Variants in PAN3 observed in about 807,000 individuals in gnomAD.
PAN3 encodes PAN2-PAN3 deadenylation complex subunit PAN3.
PAN3 carries 19 observed loss-of-function variants against 96.2 expected under a neutral mutation model. The ratio of observed to expected loss-of-function variants is 0.20; its 90% CI spans 0.14 to 0.29. The LOEUF (loss-of-function observed/expected upper bound fraction) is 0.29, where lower values mean the gene tolerates loss of function less well. Ranked by LOEUF, PAN3 falls within the 10% of genes least tolerant of loss-of-function variation. PAN3 has a pLI of 1.00. For synonymous variants in PAN3, 433 were observed against 406.6 expected (o/e 1.06, Z -0.78); for missense variants, 882 against 1,108.1 (o/e 0.80, Z 2.90).
intron 6 of PAN3, among the ~76,000 whole-genome samples, chr13:28,234,401 T>A (rs191670235): frequency 3.3e-5 from 5 of 152,270 alleles, no homozygotes. Flanking sequence ...AAAATTAAAA[T>A]TTTTCATGTT....
Position 28,266,804 on chromosome 13 carries a change from G to A in PAN3, c.1501G>A (p.Gly501Arg). Reference sequence around the variant, plus strand: ...CCGGATACAGAAATCAAGTAATTTTGGATATATTACATCTTGCTACAAAGC... The same window carrying A: ...CCGGATACAGAAATCAAGTAATTTTAGATATATTACATCTTGCTACAAAGC... ...PNRIQKSSNFGYITSCYKAVN... is the reference protein window; with the variant it reads ...PNRIQKSSNFRYITSCYKAVN... Residue 501 changes from glycine (G) to arginine (R), a missense_variant, in exon 10 of 19, where the codon GGA becomes AGA. Gly to Arg is a moderately radical substitution (Grantham distance 125, BLOSUM62 -2). Around this residue, in one of 3 missense-constraint regions of PAN3, gnomAD observed 364 missense variants for 513.6 expected, o/e 0.71. Coordinates refer to ENST00000380958, the MANE Select transcript of PAN3 (RefSeq NM_175854.8). 6.2e-7 allele frequency: 1 copy of A among 1,611,096 alleles called. No individual in the cohort carries two copies. The highest frequency in any genetic ancestry group is 8.5e-7 in the Non-Finnish European group (1 of 1,178,534).
intron 6 of PAN3, among the ~76,000 whole-genome samples, chr13:28,229,172 CAA>C (rs1185765350): frequency 2.6e-5 from 4 of 152,152 alleles, no homozygotes; most frequent in Non-Finnish European, 2.9e-5. Context: ...CCTTTAGAAG[CAA>C]AAGTTTTTAA....
intron 4 of PAN3, among the ~76,000 whole-genome samples, chr13:28,185,747 A>G (rs900288662): frequency 1.7e-4 from 26 of 152,262 alleles, no homozygotes; most frequent in South Asian, 1.0e-3. Flanking sequence ...ATAGCTTTGA[A>G]GATTTTGAGT....
In PAN3 at chr13:28,150,439, C is replaced by T. The variant is rs898950080; in HGVS notation, c.430+11352C>T. On this transcript the variant is annotated intron_variant, in intron 1 of 18. Transcript: ENST00000380958. Reference sequence around the variant, plus strand: ...AGGAGATCGAGACCATCCTGGCTAACATGGTGAAACCCCGTCTCTACTAAA... The same window carrying T: ...AGGAGATCGAGACCATCCTGGCTAATATGGTGAAACCCCGTCTCTACTAAA... 3.3e-5 allele frequency among the ~76,000 whole-genome samples: 5 copies of T among 152,162 alleles called. No individual in the cohort carries two copies. In the East Asian group the frequency reaches 9.7e-4, roughly 29 times the overall value.
chr13:28,158,557 A>C (rs1872510237), intron 1 of PAN3, among the ~76,000 whole-genome samples: 1 of 152,214 alleles, frequency 6.6e-6, no homozygotes, highest in Non-Finnish European at 1.5e-5. Flanking sequence ...AAGAAGACAT[A>C]TACTCAGCCA....
Position 28,220,792 on chromosome 13 carries a change from C to G in PAN3, c.1000+414C>G, listed in dbSNP as rs922812876. 2.0e-5 allele frequency among the ~76,000 whole-genome samples: 3 copies of G among 152,218 alleles called. No homozygotes were observed. The East Asian group carries it at 5.8e-4, about 29-fold the overall frequency. ...ATTTCTAAAAAATAATTTAATCATT[C>G]TACATCTTTAGATGGTATTCCCTTT... On this transcript the variant is annotated intron_variant, in intron 6 of 18. Transcript: ENST00000380958.
At chr13:28,240,794 G>A (rs1883585122) in intron 6 of PAN3, among the ~76,000 whole-genome samples, 1 of 152,198 alleles carries the variant, frequency 6.6e-6, no homozygotes, top group South Asian at 2.1e-4. Context: ...GAGGAAAGAA[G>A]TAAAGGCTAG....
In PAN3 at chr13:28,256,463, A is replaced by G. The variant is rs1885148344; in HGVS notation, c.1172A>G (p.Gln391Arg). The G allele has an allele frequency of 6.2e-7, 1 of 1,613,914 alleles. No individual in the cohort carries two copies. Among genetic ancestry groups the G allele is most frequent in the Non-Finnish European group, 8.5e-7 (1 of 1,179,792 alleles). Reference protein sequence around the residue: ...NPVSQTPSSGQVIQKETVGGT... With the variant: ...NPVSQTPSSGRVIQKETVGGT... ...GTTTCTCAGACTCCGTCTTCTGGTC[A>G]GGTGATCCAAAAGGAAACTGTTGGT... Residue 391 changes from glutamine (Q) to arginine (R), a missense_variant, in exon 7 of 19, where the codon CAG (glutamine) becomes CGG (arginine). Coordinates refer to ENST00000380958, the MANE Select transcript of PAN3 (RefSeq NM_175854.8).
At chr13:28,181,797 A>G (rs1036422412) in intron 4 of PAN3, among the ~76,000 whole-genome samples, 1 of 152,152 alleles carries the variant, frequency 6.6e-6, no homozygotes, top group African/African-American at 2.4e-5. Context: ...AATTATCTTT[A>G]TTTTACAAAA....
chr13:28,152,332 C>G (rs542418186), intron 1 of PAN3, among the ~76,000 whole-genome samples: 1 of 152,176 alleles, frequency 6.6e-6, no homozygotes, highest in East Asian at 1.9e-4. Flanking sequence ...GCCTGTAATC[C>G]CACTACTTTG....
chr13:28,195,284 T>A (rs1203620047), intron 4 of PAN3, among the ~76,000 whole-genome samples: 1 of 152,020 alleles, frequency 6.6e-6, no homozygotes, highest in Admixed American at 6.6e-5. Context: ...ATGCCTGTAG[T>A]CCCAGCTACT....
rs1258314786 is a variant in PAN3 at position 28,266,763 on chromosome 13, C to T, written c.1460C>T (p.Pro487Leu). 4 of 1,609,400 alleles carry T rather than the reference C, an allele frequency of 2.5e-6. No individual in the cohort carries two copies. Among genetic ancestry groups the T allele is most frequent in the Non-Finnish European group, 3.4e-6 (4 of 1,177,642 alleles). ...TACCATAGCCTATTCCCTCTAGAAC[C>T]ACTGCCACCTCCCAACCGGATACAG... The part of the protein sequence containing the change: ...DSYHSLFPLE[P>L]LPPPNRIQKS... The change falls in exon 10 of 19, where the codon CCA (proline) becomes CTA (leucine). Residue 487 changes from proline (P) to leucine (L), a missense_variant. This residue lies in a region of PAN3 where 364 missense variants were observed against 513.6 expected (regional missense o/e 0.71). Coordinates refer to ENST00000380958, the MANE Select transcript of PAN3 (RefSeq NM_175854.8).
At chr13:28,193,341 A>AG in intron 4 of PAN3, among the ~76,000 whole-genome samples, 1 of 152,226 alleles carries the variant, frequency 6.6e-6, no homozygotes, top group African/African-American at 2.4e-5. Flanking sequence ...TAAGGGTTTT[A>AG]GGGCATGGAG....
chr13:28,194,415 T>TAC (rs1210251428), intron 4 of PAN3, among the ~76,000 whole-genome samples: 3 of 148,444 alleles, frequency 2.0e-5, no homozygotes, highest in South Asian at 2.1e-4. Context: ...TGTATATATA[T>TAC]ACGTGTGTGT....
At chr13:28,193,798 T>C (rs2138209716) in intron 4 of PAN3, among the ~76,000 whole-genome samples, 1 of 151,990 alleles carries the variant, frequency 6.6e-6, no homozygotes, top group African/African-American at 2.4e-5. Flanking sequence ...AACCTTTTTT[T>C]TCAATGTTGT....
chr13:28,194,470 T>A (rs200868410), intron 4 of PAN3, among the ~76,000 whole-genome samples: 45,229 of 93,862 alleles, frequency 0.48, 7,438 homozygotes, highest in South Asian at 0.57. Flanking sequence ...ATATATATTT[T>A]TTTTTTTTTT....
intron 18 of PAN3, among the ~76,000 whole-genome samples, chr13:28,288,708 G>A (rs928445980): frequency 9.2e-5 from 14 of 152,008 alleles, no homozygotes; most frequent in South Asian, 2.1e-4. Flanking sequence ...TTGTTATGCC[G>A]CTTAAAACAG....
At chr13:28,170,056 A>G (rs1002487870) in intron 1 of PAN3, among the ~76,000 whole-genome samples, 3 of 151,880 alleles carry the variant, frequency 2.0e-5, no homozygotes, top group African/African-American at 7.3e-5. Context: ...CAAAATAATA[A>G]TAATACAATA....
At chr13:28,196,430 A>G (rs192529814) in intron 4 of PAN3, among the ~76,000 whole-genome samples, 1 of 152,244 alleles carries the variant, frequency 6.6e-6, no homozygotes, top group East Asian at 1.9e-4. Flanking sequence ...CACTATTAAG[A>G]TAGCTTATTA....
Sources: allele counts gnomAD v4.1 joint callset (sites outside exome capture counted in the v4.1 genomes callset), GRCh38; gene constraint gnomAD v4.1.1; regional missense constraint gnomAD v4.1.1; transcripts MANE v1.5; gene names NCBI Gene and HGNC (gene_info 2026-07-23, HGNC 2026-07-21).